Variants in SPIDR observed in about 807,000 individuals in gnomAD.
SPIDR encodes the protein DNA repair-scaffolding protein.
In SPIDR, 93 loss-of-function variants were observed where a neutral mutation model predicts 104.6. The ratio of observed to expected loss-of-function variants is 0.89; its 90% CI spans 0.75 to 1.06. The LOEUF is 1.06. SPIDR is among the 50% of genes least tolerant of loss of function. The pLI is 0.00. For missense variants in SPIDR, 1,154 were observed against 1,111.2 expected, an observed-to-expected ratio of 1.04 and a Z score of -0.55; for synonymous variants, 431 against 416.9, an observed-to-expected ratio of 1.03 and a Z score of -0.41.
intron 8 of SPIDR, among the ~76,000 whole-genome samples, chr8:47,506,079 C>A (rs1240444172): frequency 6.6e-6 from 1 of 152,148 alleles, no homozygotes; most frequent in East Asian, 1.9e-4. Flanking sequence ...ATGTATAGTA[C>A]CTCCTTTGTT....
chr8:47,516,345 C>A lies in SPIDR; in HGVS notation c.1097+75803C>A, dbSNP rs189439826. ...TATTTTCAGTGGTATTAACTACAAT[C>A]ATAATGTGGTGCAACCAACACCGCT... On this transcript the variant is annotated intron_variant, in intron 8 of 19. Coordinates refer to ENST00000297423, the MANE Select transcript of SPIDR (RefSeq NM_001080394.4). Among the ~76,000 whole-genome samples, 10 of 152,322 alleles carry A rather than the reference C, an allele frequency of 6.6e-5. No homozygotes were observed. In the East Asian group the frequency reaches 1.5e-3, roughly 24 times the overall value.
At chr8:47,554,235 A>C (rs1049579473) in intron 8 of SPIDR, among the ~76,000 whole-genome samples, 1 of 152,162 alleles carries the variant, frequency 6.6e-6, no homozygotes, top group African/African-American at 2.4e-5. Context: ...CCGTTCTCAG[A>C]TCTCAAACTC....
chr8:47,280,057 A>G lies in SPIDR; in HGVS notation c.189+40A>G, dbSNP rs925444884. ...GAATTGTTTTCCCTGAATGCCAAAG[A>G]GGAAATCCTGAGTGTTCAGAACATT... is the stretch of plus-strand genomic sequence containing the variant. On this transcript the variant is annotated intron_variant, in intron 2 of 19. Coordinates refer to ENST00000297423, the MANE Select transcript of SPIDR (RefSeq NM_001080394.4). 82 of 1,598,606 alleles carry G rather than the reference A, an allele frequency of 5.1e-5. No homozygotes were observed. In the African/African-American group the frequency reaches 9.1e-4, roughly 18 times the overall value.
intron 7 of SPIDR, among the ~76,000 whole-genome samples, chr8:47,422,147 G>A (rs1563929344): frequency 6.6e-6 from 1 of 152,188 alleles, no homozygotes. Flanking sequence ...GTCAGACAGG[G>A]ACTTTTGAGT....
intron 5 of SPIDR, among the ~76,000 whole-genome samples, chr8:47,323,654 A>G (rs1343170469): frequency 2.6e-5 from 4 of 152,140 alleles, no homozygotes; most frequent in East Asian, 1.9e-4. Context: ...TATTCCTCAC[A>G]TAGTTGCTTT....
chr8:47,308,840 G>A (rs1401024164), intron 5 of SPIDR, among the ~76,000 whole-genome samples: 1 of 152,272 alleles, frequency 6.6e-6, no homozygotes, highest in African/African-American at 2.4e-5. Context: ...TGGAATGCAT[G>A]CACAACTGCC....
chr8:47,436,928 G>A (rs565575088), intron 7 of SPIDR, among the ~76,000 whole-genome samples: 2 of 152,132 alleles, frequency 1.3e-5, no homozygotes, highest in South Asian at 4.1e-4. Flanking sequence ...AGCCATGGGA[G>A]CGCCGCTCAG....
At chr8:47,409,337 G>A (rs967401673) in intron 7 of SPIDR, among the ~76,000 whole-genome samples, 1 of 151,696 alleles carries the variant, frequency 6.6e-6, no homozygotes, top group African/African-American at 2.4e-5. Context: ...AAGGTCTAAT[G>A]ACTGAAAACT....
intron 10 of SPIDR, among the ~76,000 whole-genome samples, chr8:47,614,114 T>C (rs866438309): frequency 1.1e-4 from 17 of 152,302 alleles, no homozygotes; most frequent in African/African-American, 4.1e-4. Flanking sequence ...AGTGAGAACA[T>C]GTAGCGTTTG....
intron 5 of SPIDR, among the ~76,000 whole-genome samples, chr8:47,380,032 A>C (rs1447536821): frequency 6.6e-6 from 1 of 152,220 alleles, no homozygotes; most frequent in Non-Finnish European, 1.5e-5. Context: ...GCCTTGAATA[A>C]AAATAAAGCT....
intron 8 of SPIDR, among the ~76,000 whole-genome samples, chr8:47,441,138 A>T (rs1192208034): frequency 1.3e-5 from 2 of 152,166 alleles, no homozygotes; most frequent in African/African-American, 4.8e-5. Flanking sequence ...GTAATTTTTT[A>T]TAAGTTTTCA....
At chr8:47,538,347 C>T (rs1376984069) in intron 8 of SPIDR, among the ~76,000 whole-genome samples, 2 of 152,034 alleles carry the variant, frequency 1.3e-5, no homozygotes, top group South Asian at 2.1e-4. Context: ...AGTTCGAGAC[C>T]GGCCTGGCCA....
At chr8:47,723,314 T>G (rs1450682326) in intron 16 of SPIDR, among the ~76,000 whole-genome samples, 2 of 152,176 alleles carry the variant, frequency 1.3e-5, no homozygotes, top group African/African-American at 4.8e-5. Context: ...TTTATAACTG[T>G]TTTCTATTCA....
chr8:47,541,045 A>T (rs1411733326), intron 8 of SPIDR, among the ~76,000 whole-genome samples: 1 of 152,074 alleles, frequency 6.6e-6, no homozygotes, highest in Admixed American at 6.6e-5. Context: ...TTTTTAATAG[A>T]GGTGGGGTTT....
intron 8 of SPIDR, among the ~76,000 whole-genome samples, chr8:47,568,672 T>G (rs923183254): frequency 5.3e-5 from 8 of 152,130 alleles, no homozygotes; most frequent in African/African-American, 1.4e-4. Context: ...CAAAGAGGAT[T>G]TTCACGTATC....
At chr8:47,444,518 C>T (rs959621161) in intron 8 of SPIDR, among the ~76,000 whole-genome samples, 5 of 152,176 alleles carry the variant, frequency 3.3e-5, no homozygotes, top group Non-Finnish European at 7.3e-5. Context: ...ATATCGTCAT[C>T]TTTTTAGTCA....
At chr8:47,328,235 A>G (rs1348767044) in intron 5 of SPIDR, among the ~76,000 whole-genome samples, 19 of 151,378 alleles carry the variant, frequency 1.3e-4, no homozygotes, top group Admixed American at 1.1e-3. Context: ...ATTTTTGTGT[A>G]TGGTGTGAGG....
chr8:47,352,637 G>C (rs782646167), intron 5 of SPIDR, among the ~76,000 whole-genome samples: 12 of 152,180 alleles, frequency 7.9e-5, no homozygotes, highest in African/African-American at 2.9e-4. Context: ...GTATGAGGTG[G>C]TTGTGAACTG....
intron 19 of SPIDR, chr8:47,732,561 C>G (rs2085436570): frequency 4.1e-6 from 1 of 241,156 alleles, no homozygotes; most frequent in Non-Finnish European, 8.1e-6. Context: ...GCTCTTTACT[C>G]CATGCCCAGC....
Sources: allele counts gnomAD v4.1 joint callset (sites outside exome capture counted in the v4.1 genomes callset), GRCh38; gene constraint gnomAD v4.1.1; transcripts MANE v1.5; gene names NCBI Gene and HGNC (gene_info 2026-07-23, HGNC 2026-07-21).